Variants in MEP1A observed in about 807,000 individuals in gnomAD.
The protein encoded by MEP1A is N-benzoyl-L-tyrosyl-P-amino-benzoic acid hydrolase subunit alpha.
Under a neutral mutation model 84.5 loss-of-function variants are expected in MEP1A, and 68 were observed. The observed-to-expected ratio is 0.80, with a 90% CI of 0.66 to 0.98. The LOEUF (loss-of-function observed/expected upper bound fraction) is 0.98, where lower values mean the gene tolerates loss of function less well. Among genes scored for constraint, MEP1A ranks in the 50% least tolerant of loss-of-function variants. MEP1A has a pLI of 0.00. For missense variants in MEP1A, 887 were observed against 919.9 expected (o/e 0.96, Z 0.46); for synonymous variants, 337 against 336.8 (o/e 1.00, Z -0.01).
intron 3 of MEP1A, among the ~76,000 whole-genome samples, chr6:46,796,216 G>A (rs144604462): frequency 5.0e-4 from 76 of 152,218 alleles, no homozygotes; most frequent in African/African-American, 1.6e-3. Flanking sequence ...GCTCATCAAC[G>A]GGTGTTGACC....
chr6:46,818,652 A>G (rs58674933), intron 6 of MEP1A, among the ~76,000 whole-genome samples: 43,110 of 152,126 alleles, frequency 0.28, 6,899 homozygotes, highest in Non-Finnish European at 0.35. Flanking sequence ...GAGGGACGCT[A>G]CAGGTCCTCC....
intron 3 of MEP1A, among the ~76,000 whole-genome samples, chr6:46,797,812 T>TTC (rs769424519): frequency 1.4e-5 from 1 of 72,816 alleles, no homozygotes; most frequent in African/African-American, 6.2e-5. Flanking sequence ...CTTTCTTTCT[T>TTC]TCTTTCTTTC....
chr6:46,821,667 G>T (rs979308730), intron 7 of MEP1A, among the ~76,000 whole-genome samples: 3 of 152,166 alleles, frequency 2.0e-5, no homozygotes, highest in African/African-American at 7.2e-5. Flanking sequence ...AAGTCTTATA[G>T]AATACAATAC....
At chr6:46,808,572 A>G (rs1277116247) in intron 5 of MEP1A, among the ~76,000 whole-genome samples, 2 of 152,136 alleles carry the variant, frequency 1.3e-5, no homozygotes, top group African/African-American at 2.4e-5. Context: ...AAATGCACAC[A>G]AAGTAAAACA....
chr6:46,822,509 A>G (rs1284185604), intron 7 of MEP1A, among the ~76,000 whole-genome samples: 1 of 152,198 alleles, frequency 6.6e-6, no homozygotes, highest in Non-Finnish European at 1.5e-5. Flanking sequence ...ATCCATGAGT[A>G]ACACAGATTA....
At chr6:46,810,428 T>G (rs1485908609) in intron 6 of MEP1A, among the ~76,000 whole-genome samples, 2 of 152,206 alleles carry the variant, frequency 1.3e-5, no homozygotes, top group Non-Finnish European at 1.5e-5. Context: ...GTCTGTTAAC[T>G]CTGCTGATTA....
At chr6:46,821,468 C>CTG (rs138400673) in intron 7 of MEP1A, among the ~76,000 whole-genome samples, 5 of 151,740 alleles carry the variant, frequency 3.3e-5, no homozygotes, top group Admixed American at 6.6e-5. Flanking sequence ...TGTGTTATAA[C>CTG]TGTGTGTGTG....
chr6:46,813,613 G>T (rs778482915), intron 6 of MEP1A, among the ~76,000 whole-genome samples: 3 of 151,328 alleles, frequency 2.0e-5, no homozygotes, highest in African/African-American at 4.9e-5. Flanking sequence ...GAATATCTTG[G>T]TTTTTTTTCA....
intron 5 of MEP1A, among the ~76,000 whole-genome samples, chr6:46,804,868 A>AT (rs1353923589): frequency 1.3e-5 from 2 of 151,406 alleles, no homozygotes; most frequent in East Asian, 1.9e-4. Flanking sequence ...GTGCTATTCT[A>AT]TTTTTTCTTT....
rs372102824 is a variant in MEP1A at position 46,835,414 on chromosome 6, G to A, written c.1949G>A (p.Arg650Gln). Reference protein sequence around the residue: ...PVSLSQGQPSRQKRSVENTGP... With the variant: ...PVSLSQGQPSQQKRSVENTGP... ...AGCCTGAGCCAGGGGCAGCCCAGCC[G>A]ACAGAAGCGGTCGGTGGAGAACACA... is the stretch of plus-strand genomic sequence containing the variant. Residue 650 changes from arginine to glutamine, a missense_variant, in exon 13 of 14, where the codon CGA becomes CAA. Transcript: ENST00000230588. 1.1e-4 allele frequency: 177 copies of A among 1,612,084 alleles called. No homozygotes were observed. The highest frequency in any genetic ancestry group is 1.4e-4 in the Non-Finnish European group (162 of 1,179,174).
At chr6:46,844,975 C>A in the MEP1A span, among the ~76,000 whole-genome samples, 5 of 152,152 alleles carry the variant, frequency 3.3e-5, no homozygotes, top group Non-Finnish European at 7.3e-5. Flanking sequence ...GTGTGGCAAA[C>A]CTCCTTGCTC....
At chr6:46,843,256 C>A (rs565872416), downstream of MEP1A, among the ~76,000 whole-genome samples, 1 of 152,290 alleles carries the variant, frequency 6.6e-6, no homozygotes, top group Admixed American at 6.5e-5. Context: ...ATCTCTAGGA[C>A]ATTGACAAAT....
the MEP1A span, among the ~76,000 whole-genome samples, chr6:46,844,806 T>C: frequency 2.6e-5 from 4 of 152,142 alleles, no homozygotes; most frequent in Non-Finnish European, 4.4e-5. Context: ...ATGGGTGATA[T>C]GGTTTGTCTC....
chr6:46,834,312 A>G (rs1250858801), intron 11 of MEP1A, among the ~76,000 whole-genome samples: 1 of 152,044 alleles, frequency 6.6e-6, no homozygotes. Context: ...AAAGTCGCTC[A>G]GTAGCAGACA....
intron 3 of MEP1A, 47 bp downstream of exon 3, chr6:46,793,763 C>A: frequency 7.4e-7 from 1 of 1,350,016 alleles, no homozygotes; most frequent in South Asian, 1.2e-5. Context: ...TACTTGAAAC[C>A]CAGTGGTGGG....
At chr6:46,842,102 TCTTTA>T (rs1278088454), downstream of MEP1A, among the ~76,000 whole-genome samples, 5 of 152,228 alleles carry the variant, frequency 3.3e-5, no homozygotes, top group Admixed American at 6.5e-5. Flanking sequence ...CTTATGTCTG[TCTTTA>T]CTTTAATTTC....
chr6:46,815,929 T>TTTAC (rs1197778228), intron 6 of MEP1A, among the ~76,000 whole-genome samples: 1 of 152,098 alleles, frequency 6.6e-6, no homozygotes, highest in Non-Finnish European at 1.5e-5. Context: ...AGCTTATTCA[T>TTTAC]TTATTTATTT....
the MEP1A span, among the ~76,000 whole-genome samples, chr6:46,845,291 T>C: frequency 6.6e-6 from 1 of 152,218 alleles, no homozygotes; most frequent in Non-Finnish European, 1.5e-5. Flanking sequence ...TCTATCCTAA[T>C]GACTGATAAC....
intron 6 of MEP1A, 120 bp from the exon 7 acceptor site, chr6:46,819,409 G>C: frequency 1.3e-6 from 1 of 765,656 alleles, no homozygotes; most frequent in South Asian, 1.9e-5. Context: ...TGAGAATGCT[G>C]TTGGTAATTT....
Sources: gnomAD v4.1 joint callset for allele counts (sites outside exome capture counted in the v4.1 genomes callset) on GRCh38, gnomAD v4.1.1 for gene constraint, MANE v1.5 for transcripts, NCBI Gene and HGNC (gene_info 2026-07-23, HGNC 2026-07-21) for gene names.